The following QTMAN variants were observed in gnomAD, a reference collection of about 807,000 sequenced individuals.
QTMAN encodes tRNA-queuosine alpha-mannosyltransferase.
the QTMAN span, chr2:143,970,720 C>T: frequency 1.2e-6 from 2 of 1,607,650 alleles, no homozygotes; most frequent in African/African-American, 1.3e-5. Flanking sequence ...CTTTAAGATG[C>T]ATTAATACCT....
chr2:144,310,286 G>C, the QTMAN span, among the ~76,000 whole-genome samples: 1 of 152,156 alleles, frequency 6.6e-6, no homozygotes, highest in Admixed American at 6.5e-5. Flanking sequence ...ACAGGAATGG[G>C]GGGTAGTAAA....
chr2:143,946,340 A>G, the QTMAN span: 3 of 152,184 alleles, frequency 2.0e-5, no homozygotes, highest in Admixed American at 2.0e-4. Context: ...CAACTTTAAG[A>G]TTAATTAAAT....
chr2:144,236,501 C>T, the QTMAN span, among the ~76,000 whole-genome samples: 2 of 151,768 alleles, frequency 1.3e-5, no homozygotes. Context: ...AGAACTCACA[C>T]AGTAACTCAT....
the QTMAN span, among the ~76,000 whole-genome samples, chr2:144,093,444 T>C: frequency 6.6e-6 from 1 of 152,188 alleles, no homozygotes; most frequent in African/African-American, 2.4e-5. Flanking sequence ...TTGGTGTTCT[T>C]ATTGTTTCCA....
At chr2:144,059,577 G>T in the QTMAN span, among the ~76,000 whole-genome samples, 7 of 152,120 alleles carry the variant, frequency 4.6e-5, no homozygotes, top group African/African-American at 1.7e-4. Flanking sequence ...ATGATCTCTG[G>T]TATAGACTAC....
the QTMAN span, among the ~76,000 whole-genome samples, chr2:143,956,386 T>A: frequency 6.6e-6 from 1 of 152,302 alleles, no homozygotes; most frequent in African/African-American, 2.4e-5. Flanking sequence ...AGAGGTGTTC[T>A]GCTTTCTCTC....
chr2:144,025,602 T>G, the QTMAN span, among the ~76,000 whole-genome samples: 1 of 152,148 alleles, frequency 6.6e-6, no homozygotes, highest in African/African-American at 2.4e-5. Flanking sequence ...AAGTAGGGTA[T>G]GACCTGAGAA....
the QTMAN span, among the ~76,000 whole-genome samples, chr2:144,197,353 G>A: frequency 3.3e-5 from 5 of 151,806 alleles, no homozygotes; most frequent in African/African-American, 1.2e-4. Flanking sequence ...ATGTATGTGT[G>A]TATATGTATA....
the QTMAN span, among the ~76,000 whole-genome samples, chr2:144,038,958 G>A: frequency 6.6e-6 from 1 of 151,906 alleles, no homozygotes; most frequent in African/African-American, 2.4e-5. Context: ...TTTGTGACTG[G>A]CGAATACACA....
the QTMAN span, among the ~76,000 whole-genome samples, chr2:144,038,881 G>T: frequency 1.3e-4 from 20 of 152,132 alleles, no homozygotes; most frequent in Non-Finnish European, 2.6e-4. Flanking sequence ...ACAACATGTA[G>T]AAGAACCTTT....
the QTMAN span, among the ~76,000 whole-genome samples, chr2:144,304,938 A>G: frequency 2.0e-5 from 3 of 152,192 alleles, no homozygotes; most frequent in Non-Finnish European, 4.4e-5. Flanking sequence ...GATACTTTTC[A>G]TATTTTTGAA....
the QTMAN span, among the ~76,000 whole-genome samples, chr2:144,133,382 T>C: frequency 2.0e-5 from 1 of 50,212 alleles, no homozygotes; most frequent in Admixed American, 3.7e-4. Flanking sequence ...ATAATAATAA[T>C]ATAATATATA....
chr2:144,272,246 T>C, the QTMAN span, among the ~76,000 whole-genome samples: 2 of 152,208 alleles, frequency 1.3e-5, no homozygotes, highest in South Asian at 2.1e-4. Context: ...TATGCATCTA[T>C]TGTATAAAGT....
At chr2:144,226,421 A>T in the QTMAN span, among the ~76,000 whole-genome samples, 1 of 152,176 alleles carries the variant, frequency 6.6e-6, no homozygotes, top group East Asian at 1.9e-4. Context: ...ATTACTTCCA[A>T]AAGTATGACC....
At chr2:144,208,385 T>C in the QTMAN span, among the ~76,000 whole-genome samples, 3 of 152,168 alleles carry the variant, frequency 2.0e-5, no homozygotes, top group Admixed American at 1.3e-4. Context: ...AGAAAACACA[T>C]ATGGTTGGTT....
chr2:144,052,181 GT>G, the QTMAN span, among the ~76,000 whole-genome samples: 1 of 152,170 alleles, frequency 6.6e-6, no homozygotes. Flanking sequence ...AGTCAGAAAT[GT>G]TAAAGAGTCT....
At chr2:144,180,226 C>CT in the QTMAN span, among the ~76,000 whole-genome samples, 3 of 151,378 alleles carry the variant, frequency 2.0e-5, no homozygotes. Context: ...TTTTTCTTTA[C>CT]TTTTTTTTTC....
chr2:144,130,021 G>A, the QTMAN span, among the ~76,000 whole-genome samples: 4 of 150,780 alleles, frequency 2.7e-5, no homozygotes, highest in Non-Finnish European at 5.9e-5. Context: ...AACATAGTAG[G>A]AAGGCTTTCT....
At chr2:144,016,286 T>G in the QTMAN span, among the ~76,000 whole-genome samples, 1 of 152,220 alleles carries the variant, frequency 6.6e-6, no homozygotes, top group Admixed American at 6.6e-5. Flanking sequence ...GTATGTTATC[T>G]CTATCACTCA....
Sources: gnomAD v4.1 joint callset for allele counts (sites outside exome capture counted in the v4.1 genomes callset) on GRCh38, gnomAD v4.1.1 for gene constraint, MANE v1.5 for transcripts, NCBI Gene and HGNC (gene_info 2026-07-23, HGNC 2026-07-21) for gene names.